Variants in SMC3 observed in about 807,000 individuals in gnomAD.
SMC3 encodes the protein structural maintenance of chromosomes protein 3.
A neutral mutation model predicts 171.8 loss-of-function variants in SMC3; 20 were observed. That is an observed-to-expected ratio of 0.12 (90% CI 0.08 to 0.17). The LOEUF is 0.17. SMC3 is among the 10% of genes least tolerant of loss of function. The probability of loss-of-function intolerance (pLI) is 1.00; values close to 1 mark genes in which losing one functional copy is unlikely to be tolerated. For synonymous variants in SMC3, 464 were observed against 451.1 expected (o/e 1.03, Z -0.36); for missense variants, 543 against 1,420.4 (o/e 0.38, Z 9.93).
rs774525618 is a variant in SMC3, at chr10:110,601,087, A to G, written c.2601A>G (p.Glu867=). The G allele has an allele frequency of 6.2e-7, 1 of 1,613,742 alleles. No individual in the cohort carries two copies. Among genetic ancestry groups the G allele is most frequent in the Non-Finnish European group, 8.5e-7 (1 of 1,179,746 alleles). The change falls in exon 23 of 29, where the codon GAA becomes GAG. Residue 867 remains glutamate, a synonymous_variant. Transcript: ENST00000361804. ...TVLTATTSEL[E]AINKRVKDTM... ...TCACAGCCACAACATCAGAACTTGA[A>G]GCCATCAATAAAAGAGTAAAAGACA...
chr10:110,567,809 C>T lies in SMC3; in HGVS notation c.-8C>T. On this transcript the variant is annotated 5_prime_UTR_variant, in exon 1 of 29. Transcript: ENST00000361804. ...GCAGGTCTCCTTCCAGGCCAGGGGC[C>T]CGGAATCATGTACATAAAGCAGGTA... 6.2e-7 allele frequency: 1 copy of T among 1,613,502 alleles called. No individual in the cohort carries two copies. The highest frequency in any genetic ancestry group is 1.1e-5 in the South Asian group (1 of 91,080).
At chr10:110,585,059 C>T (rs1031445847) in intron 13 of SMC3, among the ~76,000 whole-genome samples, 2 of 151,962 alleles carry the variant, frequency 1.3e-5, no homozygotes, top group East Asian at 1.9e-4. Context: ...GTTGCCCAGG[C>T]TAGAGTGCAA....
chr10:110,600,649 G>A (rs1247452216), intron 22 of SMC3, 103 bp downstream of exon 22: 2 of 733,470 alleles, frequency 2.7e-6, no homozygotes, highest in African/African-American at 3.6e-5. Flanking sequence ...GGGCTTTGGG[G>A]ACAGAAAGCT....
At chr10:110,599,159 G>A (rs919739874) in intron 20 of SMC3, among the ~76,000 whole-genome samples, 1 of 152,084 alleles carries the variant, frequency 6.6e-6, no homozygotes, top group Non-Finnish European at 1.5e-5. Flanking sequence ...GTGCAATGGC[G>A]TGATCTCGGC....
At chr10:110,578,035 A>C in intron 6 of SMC3, 121 bp downstream of exon 6, 1 of 705,736 alleles carries the variant, frequency 1.4e-6, no homozygotes, top group Middle Eastern at 3.6e-4. Context: ...CGGCTTCCTA[A>C]AGTGCTAGGA....
rs1456448598 is a variant in SMC3, at chr10:110,584,407, C to T, written c.1305+11C>T. On this transcript the variant is annotated intron_variant, in intron 13 of 28. Coordinates refer to ENST00000361804, the MANE Select transcript of SMC3 (RefSeq NM_005445.4). ...CTGGAGCAGTATAATGTAAGAACTT[C>T]TATAGCTGCTTTGTAAAAATCTTTC... is the stretch of plus-strand genomic sequence containing the variant. The T allele has an allele frequency of 6.4e-7, 1 of 1,567,952 alleles. No homozygotes were observed. The highest frequency in any genetic ancestry group is 8.8e-7 in the Non-Finnish European group (1 of 1,140,476).
chr10:110,577,953 A>G, intron 6 of SMC3, 39 bp downstream of exon 6: 2 of 1,356,154 alleles, frequency 1.5e-6, no homozygotes, highest in Non-Finnish European at 2.1e-6. Context: ...CTGAATATGT[A>G]CTTAAATAGA....
intron 18 of SMC3, among the ~76,000 whole-genome samples, chr10:110,595,870 C>G (rs55844496): frequency 7.0e-6 from 1 of 142,352 alleles, no homozygotes; most frequent in Non-Finnish European, 1.5e-5. Flanking sequence ...CCTCTTTAGT[C>G]TTCACTTCCT....
chr10:110,579,282 A>G (rs1007063695), intron 7 of SMC3, among the ~76,000 whole-genome samples: 1 of 152,140 alleles, frequency 6.6e-6, no homozygotes. Flanking sequence ...TTTTCTAGAT[A>G]TGTATTGGAA....
At position 110,580,884 on chromosome 10, in the gene SMC3, T is replaced by C; in HGVS notation, c.430-20T>C. The C allele has an allele frequency of 7.5e-7, 1 of 1,330,420 alleles. No individual in the cohort carries two copies. 82.4% of individuals were successfully genotyped at this position (1,330,420 alleles called of 1,614,324 possible). ...ACGGAGGCTACAGCTATGTAATGAT[T>C]ATTTTTCTAAAAATTTTAGATCAAC... On this transcript the variant is annotated intron_variant, in intron 7 of 28. Transcript: ENST00000361804.
chr10:110,600,762 C>T (rs183034385), intron 22 of SMC3, among the ~76,000 whole-genome samples: 1 of 152,178 alleles, frequency 6.6e-6, no homozygotes, highest in Non-Finnish European at 1.5e-5. Flanking sequence ...TAAGCATTAT[C>T]ATACTTGTTT....
rs927929516 is a variant in SMC3 at position 110,601,486 on chromosome 10, C to G, written c.2645-151C>G. On this transcript the variant is annotated intron_variant, in intron 23 of 28. Transcript: ENST00000361804. ...ACTCATATATACTTCTAATTTTGTA[C>G]TGACTTAACATGGTTCATAAATTTT... The G allele has an allele frequency of 5.2e-6, 4 of 762,506 alleles. No individual in the cohort carries two copies. The African/African-American group carries it at 5.2e-5, about 10-fold the overall frequency. The allele number at this position is 762,506 out of a possible 1,614,324, so 47.2% of individuals were successfully genotyped here. A position where few individuals can be genotyped will look rare whatever the true frequency, so the allele number is the denominator to read the frequency against.
chr10:110,569,184 A>G (rs1860829012), intron 2 of SMC3, among the ~76,000 whole-genome samples, 171 bp downstream of exon 2: 1 of 152,212 alleles, frequency 6.6e-6, no homozygotes, highest in East Asian at 1.9e-4. Context: ...GCTTATTTTT[A>G]TAAACTTAAA....
chr10:110,604,045 A>G (rs2134755367), intron 28 of SMC3, among the ~76,000 whole-genome samples, 186 bp from the exon 29 acceptor site: 1 of 144,768 alleles, frequency 6.9e-6, no homozygotes, highest in East Asian at 2.1e-4. Context: ...CAGTGAGCCA[A>G]GATGGTGCCA....
At chr10:110,600,921 A>G in intron 22 of SMC3, 101 bp from the exon 23 acceptor site, 3 of 818,648 alleles carry the variant, frequency 3.7e-6, no homozygotes, top group South Asian at 1.5e-5. Flanking sequence ...TGATGTATTT[A>G]TATTTTTTTG....
At chr10:110,594,201 A>ACTT (rs572995935) in intron 18 of SMC3, among the ~76,000 whole-genome samples, 3 of 150,724 alleles carry the variant, frequency 2.0e-5, no homozygotes. Context: ...TAATTTTTAA[A>ACTT]TTTATTTTTT....
Position 110,591,217 on chromosome 10 carries a change from C to G in SMC3, c.1812+85C>G, listed in dbSNP as rs1390398534. On this transcript the variant is annotated intron_variant, in intron 17 of 28. Coordinates refer to ENST00000361804, the MANE Select transcript of SMC3 (RefSeq NM_005445.4). Reference sequence around the variant, plus strand: ...TCTAACACATGCTAGTGCCCAGGCACTATACACTGGGATTCAGTGGTGTAT... The same window carrying G: ...TCTAACACATGCTAGTGCCCAGGCAGTATACACTGGGATTCAGTGGTGTAT... 3.9e-6 allele frequency: 5 copies of G among 1,292,372 alleles called. No individual in the cohort carries two copies. In the African/African-American group the frequency reaches 5.9e-5, roughly 15 times the overall value. The allele number at this position is 1,292,372 out of a possible 1,614,324, so 80.1% of individuals were successfully genotyped here. A position where few individuals can be genotyped will look rare whatever the true frequency, so the allele number is the denominator to read the frequency against.
chr10:110,571,265 T>A (rs950163586), intron 2 of SMC3, among the ~76,000 whole-genome samples: 5 of 152,162 alleles, frequency 3.3e-5, no homozygotes, highest in African/African-American at 1.2e-4. Context: ...ACAGACAGGA[T>A]TAGCTGCTAA....
chr10:110,596,470 A>G lies in SMC3; in HGVS notation c.2036A>G (p.Gln679Arg), dbSNP rs1275629421. 1 of 1,614,082 alleles carries G rather than the reference A, an allele frequency of 6.2e-7. No individual in the cohort carries two copies. The highest frequency in any genetic ancestry group is 1.1e-5 in the South Asian group (1 of 91,080). ...ACAAGGAAGTCTCGACTTGAATTGCAAAAAGATGTTAGAAAAGCAGAAGAA... is the reference window on the plus strand; with the variant it reads ...ACAAGGAAGTCTCGACTTGAATTGCGAAAAGATGTTAGAAAAGCAGAAGAA... The part of the protein sequence containing the change: ...YDTRKSRLEL[Q>R]KDVRKAEEEL... Residue 679 changes from glutamine to arginine, a missense_variant, in exon 19 of 29, where the codon CAA becomes CGA. This residue lies in a region of SMC3 where 218 missense variants were observed against 509.6 expected (regional missense o/e 0.43). Transcript: ENST00000361804.
Sources: allele counts gnomAD v4.1 joint callset (sites outside exome capture counted in the v4.1 genomes callset), GRCh38; gene constraint gnomAD v4.1.1; regional missense constraint gnomAD v4.1.1; transcripts MANE v1.5; gene names NCBI Gene and HGNC (gene_info 2026-07-23, HGNC 2026-07-21).